OPCML: variants seen among roughly 807,000 people sequenced by gnomAD.
OPCML encodes the protein opioid binding protein/cell adhesion molecule like.
Under a neutral mutation model 37.8 loss-of-function variants are expected in OPCML, and 13 were observed. That is an observed-to-expected ratio of 0.34 (90% confidence interval 0.22 to 0.55). The LOEUF (loss-of-function observed/expected upper bound fraction) is 0.55. Among genes scored for constraint, OPCML ranks in the 20% least tolerant of loss-of-function variants. OPCML has a pLI of 0.91. For missense variants in OPCML, 341 were observed against 435.6 expected (o/e 0.78, Z 1.93); for synonymous variants, 176 against 168.8 (o/e 1.04, Z -0.33).
intron 3 of OPCML, among the ~76,000 whole-genome samples, chr11:132,601,712 A>C (rs1040524111): frequency 1.1e-4 from 16 of 152,292 alleles, no homozygotes; most frequent in African/African-American, 3.4e-4. Flanking sequence ...CCTTCCTAGC[A>C]CCCATCTAAC....
chr11:133,472,111 AG>A (rs1214786268), intron 1 of OPCML, among the ~76,000 whole-genome samples: 6 of 152,220 alleles, frequency 3.9e-5, no homozygotes, highest in Non-Finnish European at 7.3e-5. Flanking sequence ...CAAAAAGACA[AG>A]TGAACCCTTT....
chr11:132,446,957 T>C (rs938706933), intron 4 of OPCML, among the ~76,000 whole-genome samples: 2 of 152,156 alleles, frequency 1.3e-5, no homozygotes, highest in African/African-American at 4.8e-5. Flanking sequence ...TCTTGTGCCC[T>C]GGCGTGGTCA....
chr11:133,173,095 G>A lies in OPCML; in HGVS notation c.62-230085C>T, dbSNP rs185463753. On this transcript the variant is annotated intron_variant, in intron 1 of 7. Coordinates refer to ENST00000524381, the MANE Select transcript of OPCML (RefSeq NM_001012393.5). This position sits in a 1 kb window ranked among gnomAD's most constrained non-coding sequence, Gnocchi z 7.8. ...TAGTGAACTTAATCTTCCACTTTACGTTGGGCTTGCTTCCAAGTGGTAATA... is the reference window on the plus strand; with the variant it reads ...TAGTGAACTTAATCTTCCACTTTACATTGGGCTTGCTTCCAAGTGGTAATA... 2.0e-5 allele frequency among the ~76,000 whole-genome samples: 3 copies of A among 152,200 alleles called. No homozygotes were observed. Among genetic ancestry groups the A allele is most frequent in the South Asian group, 2.1e-4 (1 of 4,824 alleles).
chr11:132,877,828 C>T (rs936724344), intron 2 of OPCML, among the ~76,000 whole-genome samples: 27 of 152,326 alleles, frequency 1.8e-4, no homozygotes, highest in Middle Eastern at 3.4e-3. Context: ...ACTAGAGCAA[C>T]GTAAATTACT....
intron 3 of OPCML, among the ~76,000 whole-genome samples, chr11:132,632,776 G>T (rs940402846): frequency 6.6e-6 from 1 of 151,942 alleles, no homozygotes; most frequent in East Asian, 1.9e-4. Context: ...TGCAAATGTG[G>T]CCATCTCCAC....
chr11:132,753,499 C>T (rs971348846), intron 2 of OPCML, among the ~76,000 whole-genome samples: 1 of 152,138 alleles, frequency 6.6e-6, no homozygotes, highest in African/African-American at 2.4e-5. Flanking sequence ...TGGCTACATA[C>T]CTACATACAT....
At chr11:133,043,966 C>G (rs1159705342) in intron 1 of OPCML, among the ~76,000 whole-genome samples, 1 of 152,216 alleles carries the variant, frequency 6.6e-6, no homozygotes, top group Admixed American at 6.5e-5. Context: ...GAGGGGGGCA[C>G]AGCAGACAAT....
At chr11:132,886,789 G>A (rs552109981) in intron 2 of OPCML, among the ~76,000 whole-genome samples, 2 of 152,348 alleles carry the variant, frequency 1.3e-5, no homozygotes, top group African/African-American at 4.8e-5. Flanking sequence ...CTTTGGAAAT[G>A]AAAATTGCCA....
At chr11:132,564,114 G>A (rs1231125560) in intron 3 of OPCML, among the ~76,000 whole-genome samples, 1 of 152,210 alleles carries the variant, frequency 6.6e-6, no homozygotes, top group African/African-American at 2.4e-5. Flanking sequence ...TGATGTTCTG[G>A]TTCAGTGACG....
chr11:132,946,890 T>C (rs1945756191), intron 1 of OPCML, among the ~76,000 whole-genome samples: 1 of 152,232 alleles, frequency 6.6e-6, no homozygotes, highest in African/African-American at 2.4e-5. Flanking sequence ...CTCTGAGTTC[T>C]AGTCTAGTAT....
chr11:132,600,304 C>T lies in OPCML; in HGVS notation c.379+56783G>A, dbSNP rs150623744. ...GTGGATATCTTTAACCAAATGTTTT[C>T]GGCCAGCCTTCATCTTTGCAAAGAC... On this transcript the variant is annotated intron_variant, in intron 3 of 7. Coordinates refer to ENST00000524381, the MANE Select transcript of OPCML (RefSeq NM_001012393.5). Among the ~76,000 whole-genome samples, 61 of 152,322 alleles carry T rather than the reference C, an allele frequency of 4.0e-4. No individual in the cohort carries two copies. In the East Asian group the frequency reaches 7.3e-3, roughly 18 times the overall value.
intron 2 of OPCML, among the ~76,000 whole-genome samples, chr11:132,793,625 A>G (rs1446825262): frequency 6.6e-6 from 1 of 152,114 alleles, no homozygotes; most frequent in East Asian, 1.9e-4. Flanking sequence ...GGCCAATTCT[A>G]CCTTTCTAAC....
At position 133,124,017 on chromosome 11, in the gene OPCML, C is replaced by A. The variant is rs112903391; in HGVS notation, c.62-181007G>T. 1.6e-3 allele frequency among the ~76,000 whole-genome samples: 238 copies of A among 152,058 alleles called. 3 individuals carry two copies. Among genetic ancestry groups the A allele is most frequent in the African/African-American group, 5.3e-3 (219 of 41,484 alleles). On this transcript the variant is annotated intron_variant, in intron 1 of 7. Transcript: ENST00000524381. Reference sequence around the variant, plus strand: ...CACTATCCTTCAACATGAATGCCAGCAATGACTACCACACCTTAAAGGCAC... The same window carrying A: ...CACTATCCTTCAACATGAATGCCAGAAATGACTACCACACCTTAAAGGCAC...
At chr11:133,114,501 T>C (rs2137100676) in intron 1 of OPCML, among the ~76,000 whole-genome samples, 1 of 152,298 alleles carries the variant, frequency 6.6e-6, no homozygotes, top group African/African-American at 2.4e-5. Context: ...TCTTCTTCCA[T>C]TGCCTCTAAT....
intron 2 of OPCML, among the ~76,000 whole-genome samples, chr11:132,761,905 A>T (rs112954814): frequency 0.02 from 3,059 of 152,148 alleles, 82 homozygotes; most frequent in African/African-American, 0.067. Context: ...TTTTTGGAAT[A>T]TTCAGCCTTT....
rs11524443 is a variant in OPCML, at chr11:132,967,249, C to T, written c.62-24239G>A. 7.4e-3 allele frequency among the ~76,000 whole-genome samples: 1,132 copies of T among 152,138 alleles called. 5 individuals carry two copies. The highest frequency in any genetic ancestry group is 9.9e-3 in the Non-Finnish European group (674 of 67,916). ...TATCAGAATCTACTTCAGATTTATA[C>T]TTACTTAATGCCAGTGAGACATAGA... is the stretch of plus-strand genomic sequence containing the variant. On this transcript the variant is annotated intron_variant, in intron 1 of 7. Transcript: ENST00000524381.
intron 1 of OPCML, among the ~76,000 whole-genome samples, chr11:133,172,823 T>C (rs954268195): frequency 6.6e-6 from 1 of 152,142 alleles, no homozygotes; most frequent in East Asian, 1.9e-4. Flanking sequence ...GTAACAGACA[T>C]TGGTCAAATA....
chr11:133,182,931 T>C (rs1937905232), intron 1 of OPCML, among the ~76,000 whole-genome samples: 1 of 152,164 alleles, frequency 6.6e-6, no homozygotes, highest in African/African-American at 2.4e-5. Flanking sequence ...CTGGCTAATC[T>C]GTAGTTCTAA....
At chr11:132,626,322 C>T (rs1303407095) in intron 3 of OPCML, among the ~76,000 whole-genome samples, 1 of 151,910 alleles carries the variant, frequency 6.6e-6, no homozygotes, top group African/African-American at 2.4e-5. Context: ...AACTCTCAGC[C>T]TATTCAAGGC....
Sources: gnomAD v4.1 joint callset for allele counts (sites outside exome capture counted in the v4.1 genomes callset) on GRCh38, gnomAD v4.1.1 for gene constraint, Gnocchi (gnomAD v3.1) non-coding constraint, MANE v1.5 for transcripts, NCBI Gene and HGNC (gene_info 2026-07-23, HGNC 2026-07-21) for gene names.